The following NPNT variants were observed in gnomAD, a reference collection of about 807,000 sequenced individuals.
The protein encoded by NPNT is nephronectin.
NPNT carries 45 observed loss-of-function variants against 68.6 expected under a neutral mutation model. The ratio of observed to expected loss-of-function variants is 0.66; its 90% CI spans 0.52 to 0.84. The LOEUF (loss-of-function observed/expected upper bound fraction) is 0.84, where lower values mean the gene tolerates loss of function less well. NPNT is among the 40% of genes least tolerant of loss of function. The probability of loss-of-function intolerance (pLI) is 0.00; values close to 1 mark genes in which losing one functional copy is unlikely to be tolerated. For missense variants in NPNT, 672 were observed against 714.8 expected (o/e 0.94, Z 0.68); for synonymous variants, 233 against 253.3 (o/e 0.92, Z 0.76).
rs1732472483 is a variant in NPNT, at chr4:105,970,224, G to T, written c.*1234G>T. On this transcript the variant is annotated 3_prime_UTR_variant, in exon 12 of 12. Transcript: ENST00000379987. Reference sequence around the variant, plus strand: ...GATTTACACACACTGGAGGAGCAGGGCAAGTTGGAATTCTAAGATCCATGA... The same window carrying T: ...GATTTACACACACTGGAGGAGCAGGTCAAGTTGGAATTCTAAGATCCATGA... 1.8e-6 allele frequency: 1 copy of T among 564,136 alleles called. No individual in the cohort carries two copies. Among genetic ancestry groups the T allele is most frequent in the Admixed American group, 3.1e-5 (1 of 32,540 alleles). The allele number at this position is 564,136 out of a possible 1,614,324, so 34.9% of individuals were successfully genotyped here.
At chr4:105,898,354 C>CTCTG (rs1424543391) in intron 2 of NPNT, among the ~76,000 whole-genome samples, 2 of 144,774 alleles carry the variant, frequency 1.4e-5, no homozygotes, top group East Asian at 4.0e-4. Context: ...CTCTCTCTCT[C>CTCTG]TCTCTCTCTC....
chr4:105,917,524 T>C (rs1204552202), intron 2 of NPNT, among the ~76,000 whole-genome samples: 2 of 152,138 alleles, frequency 1.3e-5, no homozygotes, highest in African/African-American at 4.8e-5. Flanking sequence ...GTGAAGGAGC[T>C]AGATAAGAAA....
chr4:105,969,893 A>C lies in NPNT; in HGVS notation c.*903A>C. 6.5e-6 allele frequency: 1 copy of C among 153,692 alleles called. No homozygotes were observed. The allele number at this position is 153,692 out of a possible 1,614,324, so 9.5% of individuals were successfully genotyped here. A position where few individuals can be genotyped will look rare whatever the true frequency, so the allele number is the denominator to read the frequency against. The stretch of plus-strand genomic sequence containing the variant: ...AACCTTTAGGAAGACAAGAAACTGC[A>C]GTTAATTTAGAACTGTCACTGTTTC... On this transcript the variant is annotated 3_prime_UTR_variant, in exon 12 of 12. Transcript: ENST00000379987.
intron 3 of NPNT, among the ~76,000 whole-genome samples, chr4:105,935,293 A>G (rs186578731): frequency 5.3e-5 from 8 of 152,338 alleles, no homozygotes; most frequent in Admixed American, 3.3e-4. Flanking sequence ...CTCTAACACC[A>G]TATTTGGTTT....
At chr4:105,912,436 A>T in intron 2 of NPNT, 1 of 475,554 alleles carries the variant, frequency 2.1e-6, no homozygotes, top group South Asian at 4.0e-5. Context: ...CCATTATTAC[A>T]TTAAACTTTT....
At chr4:105,924,318 A>G (rs1728514547) in intron 2 of NPNT, among the ~76,000 whole-genome samples, 1 of 152,226 alleles carries the variant, frequency 6.6e-6, no homozygotes, top group Non-Finnish European at 1.5e-5. Context: ...ATACGTATTT[A>G]TTGAATTCCA....
At chr4:105,923,529 C>A (rs539015030) in intron 2 of NPNT, among the ~76,000 whole-genome samples, 3 of 152,092 alleles carry the variant, frequency 2.0e-5, no homozygotes, top group Non-Finnish European at 2.9e-5. Flanking sequence ...CTACAAGTAA[C>A]GTGACACAAA....
At chr4:105,914,729 C>T (rs1727665446) in intron 2 of NPNT, among the ~76,000 whole-genome samples, 1 of 151,650 alleles carries the variant, frequency 6.6e-6, no homozygotes, top group Admixed American at 6.6e-5. Flanking sequence ...AGCTGAATCC[C>T]GAGGGATAAA....
At position 105,970,753 on chromosome 4, in the gene NPNT, A is replaced by G. The variant is rs1732507906; in HGVS notation, c.*1763A>G. On this transcript the variant is annotated 3_prime_UTR_variant, in exon 12 of 12. Coordinates refer to ENST00000379987, the MANE Select transcript of NPNT (RefSeq NM_001033047.3). The stretch of plus-strand genomic sequence containing the variant: ...CTTACCCAAGGAAAAGTAACAAATT[A>G]TAGAATTTCCCAAAAGATGTTTTGA... 2.7e-6 allele frequency: 1 copy of G among 375,618 alleles called. No homozygotes were observed. Among genetic ancestry groups the G allele is most frequent in the South Asian group, 2.3e-5 (1 of 44,386 alleles). 23.3% of individuals were successfully genotyped at this position (375,618 alleles called of 1,614,324 possible). A position where few individuals can be genotyped will look rare whatever the true frequency, so the allele number is the denominator to read the frequency against.
chr4:105,925,947 A>C (rs1239399207), intron 2 of NPNT, among the ~76,000 whole-genome samples: 2 of 152,274 alleles, frequency 1.3e-5, no homozygotes, highest in East Asian at 3.9e-4. Context: ...CATGTTTCTC[A>C]TTCTGAAATG....
Position 105,960,046 on chromosome 4 carries a change from G to A in NPNT, c.1345+920G>A, listed in dbSNP as rs544175681. Among the ~76,000 whole-genome samples, 10 of 152,162 alleles carry A rather than the reference G, an allele frequency of 6.6e-5. No homozygotes were observed. In the South Asian group the frequency reaches 8.3e-4, roughly 13 times the overall value. On this transcript the variant is annotated intron_variant, in intron 10 of 11. Transcript: ENST00000379987. Reference sequence around the variant, plus strand: ...AGGATGGTCTCGATCTCCTGACCTCGTGATCTGCCCGCCTTGGCCTCCCAA... The same window carrying A: ...AGGATGGTCTCGATCTCCTGACCTCATGATCTGCCCGCCTTGGCCTCCCAA...
intron 3 of NPNT, among the ~76,000 whole-genome samples, chr4:105,930,453 G>T (rs1729022001): frequency 6.6e-6 from 1 of 152,130 alleles, no homozygotes; most frequent in African/African-American, 2.4e-5. Flanking sequence ...TGTGAGAGCT[G>T]CCTAGAGACT....
At chr4:105,941,744 G>A (rs1209864077) in intron 7 of NPNT, among the ~76,000 whole-genome samples, 1 of 151,980 alleles carries the variant, frequency 6.6e-6, no homozygotes, top group Non-Finnish European at 1.5e-5. Context: ...ATCAGTAAAG[G>A]GAAATAAAAA....
intron 2 of NPNT, among the ~76,000 whole-genome samples, chr4:105,907,473 G>A (rs907053258): frequency 5.9e-5 from 9 of 152,222 alleles, no homozygotes; most frequent in Admixed American, 4.6e-4. Flanking sequence ...AATTGTCACC[G>A]TATATCAACG....
chr4:105,931,504 G>A (rs528074342), intron 3 of NPNT, among the ~76,000 whole-genome samples: 2 of 151,974 alleles, frequency 1.3e-5, no homozygotes. Flanking sequence ...TATTAAGGTG[G>A]TTACCTACAG....
intron 11 of NPNT, 120 bp from the exon 12 acceptor site, chr4:105,968,775 T>C (rs979616127): frequency 1.6e-5 from 10 of 607,454 alleles, no homozygotes; most frequent in Admixed American, 2.9e-5. Flanking sequence ...TCTGTTTTTT[T>C]CCTCCTGCAA....
At chr4:105,942,111 GTGTGTATATA>G (rs1394689684) in intron 7 of NPNT, among the ~76,000 whole-genome samples, 186 bp from the exon 8 acceptor site, 1 of 138,170 alleles carries the variant, frequency 7.2e-6, no homozygotes, top group Non-Finnish European at 1.6e-5. Flanking sequence ...GTGTCTGTGT[GTGTGTATATA>G]TATATATATA....
intron 2 of NPNT, 164 bp downstream of exon 2, chr4:105,898,165 T>G (rs182311511): frequency 2.1e-5 from 9 of 438,454 alleles, no homozygotes; most frequent in Admixed American, 1.2e-4. Context: ...ATTCTGCTTC[T>G]TTTCAGCTTT....
intron 10 of NPNT, 108 bp downstream of exon 10, chr4:105,959,234 T>C: frequency 1.5e-6 from 1 of 685,364 alleles, no homozygotes. Flanking sequence ...TGTGTTTACT[T>C]GATAAAGATG....
Sources: gnomAD v4.1 joint callset for allele counts (sites outside exome capture counted in the v4.1 genomes callset) on GRCh38, gnomAD v4.1.1 for gene constraint, MANE v1.5 for transcripts, NCBI Gene and HGNC (gene_info 2026-07-23, HGNC 2026-07-21) for gene names.